The following FSTL5 variants were observed in gnomAD, a reference collection of about 807,000 sequenced individuals.
FSTL5 encodes the protein follistatin-related protein 5.
FSTL5 carries 62 observed loss-of-function variants against 89.1 expected under a neutral mutation model. The ratio of observed to expected loss-of-function variants is 0.70; its 90% confidence interval spans 0.57 to 0.86. The LOEUF is 0.86. Among genes scored for constraint, FSTL5 ranks in the 40% least tolerant of loss-of-function variants. The probability of loss-of-function intolerance (pLI) is 0.00; values close to 1 mark genes in which losing one functional copy is unlikely to be tolerated. For missense variants in FSTL5, 1,057 were observed against 1,001.6 expected (o/e 1.06, Z -0.75); for synonymous variants, 383 against 346.2 (o/e 1.11, Z -1.18).
intron 2 of FSTL5, among the ~76,000 whole-genome samples, chr4:162,109,166 G>A (rs1731340868): frequency 6.6e-6 from 1 of 151,996 alleles, no homozygotes; most frequent in African/African-American, 2.4e-5. Flanking sequence ...AAATTTCTGG[G>A]ATCCTAATCT....
intron 3 of FSTL5, among the ~76,000 whole-genome samples, chr4:161,932,416 A>G (rs1734312969): frequency 6.6e-6 from 1 of 151,740 alleles, no homozygotes. Context: ...TGCCTTCCTC[A>G]TATGTCTGAA....
At chr4:161,707,053 G>A (rs551065095) in intron 6 of FSTL5, among the ~76,000 whole-genome samples, 1 of 151,570 alleles carries the variant, frequency 6.6e-6, no homozygotes, top group African/African-American at 2.4e-5. Flanking sequence ...TTATTTTACT[G>A]TGTACCTGTT....
At chr4:161,931,506 C>G (rs1372182583) in intron 3 of FSTL5, among the ~76,000 whole-genome samples, 3 of 151,848 alleles carry the variant, frequency 2.0e-5, no homozygotes, top group Non-Finnish European at 4.4e-5. Context: ...GGAGGAAATT[C>G]TTGGACAGTA....
At chr4:161,429,690 A>C (rs1399646288) in intron 15 of FSTL5, among the ~76,000 whole-genome samples, 1 of 152,178 alleles carries the variant, frequency 6.6e-6, no homozygotes, top group Non-Finnish European at 1.5e-5. Context: ...GCAGAGAACA[A>C]AAACTTAGAT....
intron 15 of FSTL5, among the ~76,000 whole-genome samples, chr4:161,409,994 C>T (rs1476976829): frequency 6.6e-6 from 1 of 152,126 alleles, no homozygotes; most frequent in East Asian, 1.9e-4. Context: ...AGACCGATTT[C>T]ACATCTATTG....
intron 6 of FSTL5, among the ~76,000 whole-genome samples, chr4:161,718,008 T>C (rs1342728496): frequency 6.6e-6 from 1 of 152,202 alleles, no homozygotes; most frequent in Admixed American, 6.5e-5. Context: ...AAGTTATTTA[T>C]GTTTATCACC....
At chr4:161,777,428 A>T (rs1741449235) in intron 4 of FSTL5, among the ~76,000 whole-genome samples, 1 of 152,012 alleles carries the variant, frequency 6.6e-6, no homozygotes, top group Non-Finnish European at 1.5e-5. Flanking sequence ...GATTGCCTGT[A>T]AACTGCTGGT....
intron 8 of FSTL5, among the ~76,000 whole-genome samples, chr4:161,559,163 A>T (rs186359548): frequency 6.6e-6 from 1 of 152,068 alleles, no homozygotes. Flanking sequence ...GGTCTGTATT[A>T]GCTTCTCAAG....
chr4:161,851,218 C>A (rs541587560), intron 4 of FSTL5, among the ~76,000 whole-genome samples: 1 of 152,148 alleles, frequency 6.6e-6, no homozygotes, highest in African/African-American at 2.4e-5. Context: ...CTAATCAGAG[C>A]CAAGATTTGG....
At chr4:161,786,914 T>C (rs1447135504) in intron 4 of FSTL5, among the ~76,000 whole-genome samples, 2 of 152,126 alleles carry the variant, frequency 1.3e-5, no homozygotes, top group Admixed American at 1.3e-4. Flanking sequence ...CATTGCATAT[T>C]TGACTTTTTT....
chr4:161,684,527 G>C (rs1737643465), intron 6 of FSTL5, among the ~76,000 whole-genome samples: 1 of 152,108 alleles, frequency 6.6e-6, no homozygotes, highest in South Asian at 2.1e-4. Flanking sequence ...TAGTGATGTT[G>C]AGCATTTTTT....
chr4:161,433,781 G>T (rs1732463702), intron 15 of FSTL5, among the ~76,000 whole-genome samples: 1 of 151,748 alleles, frequency 6.6e-6, no homozygotes, highest in East Asian at 1.9e-4. Context: ...ATCTGAAAAA[G>T]AAATCAAGAA....
chr4:161,652,049 C>T (rs1736359338), intron 7 of FSTL5, among the ~76,000 whole-genome samples: 2 of 152,276 alleles, frequency 1.3e-5, no homozygotes, highest in South Asian at 2.1e-4. Context: ...TGGTTAAACT[C>T]CTGCTCTTGA....
chr4:161,829,805 G>C (rs994532374), intron 4 of FSTL5, among the ~76,000 whole-genome samples: 1 of 152,046 alleles, frequency 6.6e-6, no homozygotes, highest in African/African-American at 2.4e-5. Flanking sequence ...AGCATACACA[G>C]AATGTCTTCA....
intron 1 of FSTL5, among the ~76,000 whole-genome samples, chr4:162,148,774 C>T (rs1038286555): frequency 6.6e-6 from 1 of 152,134 alleles, no homozygotes; most frequent in Non-Finnish European, 1.5e-5. Context: ...TTTTCTGAGT[C>T]AGGCATTATT....
chr4:161,858,653 G>T (rs948673265), intron 4 of FSTL5, among the ~76,000 whole-genome samples: 3 of 152,066 alleles, frequency 2.0e-5, no homozygotes, highest in Non-Finnish European at 4.4e-5. Flanking sequence ...CAACAAATCT[G>T]ACTCTTGCTC....
At chr4:161,468,432 TAG>T (rs1219611179) in intron 13 of FSTL5, among the ~76,000 whole-genome samples, 2 of 152,032 alleles carry the variant, frequency 1.3e-5, no homozygotes, top group Non-Finnish European at 2.9e-5. Flanking sequence ...CAGTGACTAT[TAG>T]AAAAACCTGA....
intron 2 of FSTL5, among the ~76,000 whole-genome samples, chr4:162,079,522 A>G (rs1041085965): frequency 6.6e-6 from 1 of 151,528 alleles, no homozygotes; most frequent in Non-Finnish European, 1.5e-5. Flanking sequence ...AGTTTTAAAA[A>G]CTCAATAACA....
chr4:161,724,381 G>A (rs566547633), intron 6 of FSTL5, among the ~76,000 whole-genome samples: 2 of 151,968 alleles, frequency 1.3e-5, no homozygotes, highest in Non-Finnish European at 2.9e-5. Flanking sequence ...AACGCATCAT[G>A]TTCTAGTCAA....
Sources: gnomAD v4.1 joint callset for allele counts (sites outside exome capture counted in the v4.1 genomes callset) on GRCh38, gnomAD v4.1.1 for gene constraint, MANE v1.5 for transcripts, NCBI Gene and HGNC (gene_info 2026-07-23, HGNC 2026-07-21) for gene names.